Variants in ADAM22 observed in about 807,000 individuals in gnomAD.
ADAM22 encodes the protein disintegrin and metalloproteinase domain-containing protein 22.
In ADAM22, 65 loss-of-function variants were observed where a neutral mutation model predicts 144.6. The observed-to-expected ratio is 0.45, with a 90% CI of 0.37 to 0.55. The LOEUF is 0.55. Ranked by LOEUF, ADAM22 falls within the 20% of genes least tolerant of loss-of-function variation. ADAM22 has a pLI of 0.00. For missense variants in ADAM22, 974 were observed against 1,184.9 expected (o/e 0.82, Z 2.61); for synonymous variants, 391 against 412.6 (o/e 0.95, Z 0.63).
At chr7:88,139,273 C>G (rs753378007) in intron 14 of ADAM22, among the ~76,000 whole-genome samples, 8 of 152,024 alleles carry the variant, frequency 5.3e-5, no homozygotes, top group Non-Finnish European at 1.2e-4. Context: ...CAAAAATTAG[C>G]TGGATATGAT....
chr7:88,079,841 A>G (rs1250749210), intron 4 of ADAM22, among the ~76,000 whole-genome samples: 3 of 152,220 alleles, frequency 2.0e-5, no homozygotes, highest in Non-Finnish European at 4.4e-5. Context: ...ACCCAGATGC[A>G]TAAAGCAAGT....
At chr7:88,108,092 A>G in intron 4 of ADAM22, 84 bp from the exon 5 acceptor site, 3 of 989,154 alleles carry the variant, frequency 3.0e-6, no homozygotes, top group East Asian at 4.9e-5. Context: ...GTGGAGGTGC[A>G]TTGTGAGTAG....
intron 11 of ADAM22, 85 bp downstream of exon 11, chr7:88,131,520 C>T (rs1422252475): frequency 2.1e-6 from 3 of 1,402,218 alleles, no homozygotes; most frequent in East Asian, 2.3e-5. Flanking sequence ...CTTTCTGCTA[C>T]ATAACACAAT....
At position 88,112,811 on chromosome 7, in the gene ADAM22, G is replaced by A. The variant is rs542930715; in HGVS notation, c.474-1773G>A. Among the ~76,000 whole-genome samples the A allele has an allele frequency of 2.6e-5, 4 of 152,306 alleles. No individual in the cohort carries two copies. The South Asian group carries it at 8.3e-4, about 32-fold the overall frequency. ...CAGCCTTGAACTCTTGGGTTCAGGTGATCCTCCCACCTCAGCCTCCCAAGT... is the reference window on the plus strand; with the variant it reads ...CAGCCTTGAACTCTTGGGTTCAGGTAATCCTCCCACCTCAGCCTCCCAAGT... On this transcript the variant is annotated intron_variant, in intron 5 of 31. Coordinates refer to ENST00000413139, the MANE Select transcript of ADAM22 (RefSeq NM_001324418.2).
chr7:88,097,020 A>C (rs954159878), intron 4 of ADAM22, among the ~76,000 whole-genome samples: 1 of 152,136 alleles, frequency 6.6e-6, no homozygotes, highest in African/African-American at 2.4e-5. Flanking sequence ...ATCCAAAATC[A>C]TTTATGCAGA....
intron 4 of ADAM22, among the ~76,000 whole-genome samples, chr7:88,094,585 C>T (rs1820765552): frequency 6.6e-6 from 1 of 152,110 alleles, no homozygotes; most frequent in Non-Finnish European, 1.5e-5. Flanking sequence ...TTTGGACTTC[C>T]TACATTGGTC....
chr7:88,104,759 T>G (rs977442988), intron 4 of ADAM22, among the ~76,000 whole-genome samples: 1 of 152,042 alleles, frequency 6.6e-6, no homozygotes, highest in African/African-American at 2.4e-5. Context: ...TACCACCAGT[T>G]GAGACCTCAA....
intron 2 of ADAM22, among the ~76,000 whole-genome samples, chr7:87,969,226 T>C (rs948118101): frequency 1.3e-5 from 2 of 152,256 alleles, no homozygotes; most frequent in African/African-American, 4.8e-5. Flanking sequence ...TCTTCCATAA[T>C]AGATCAGTAA....
chr7:87,998,432 T>G (rs1238344412), intron 3 of ADAM22, among the ~76,000 whole-genome samples: 1 of 152,116 alleles, frequency 6.6e-6, no homozygotes, highest in African/African-American at 2.4e-5. Context: ...GCTCTGTTGC[T>G]CAAGGTAGAG....
chr7:88,086,166 ACT>A (rs1172953939), intron 4 of ADAM22, among the ~76,000 whole-genome samples: 3 of 152,196 alleles, frequency 2.0e-5, no homozygotes, highest in South Asian at 2.1e-4. Context: ...ACAGAGCAAG[ACT>A]CTGTCTCAAA....
chr7:88,142,731 G>A (rs1045742055), intron 14 of ADAM22, among the ~76,000 whole-genome samples: 120 of 151,838 alleles, frequency 7.9e-4, no homozygotes, highest in Non-Finnish European at 1.0e-3. Context: ...CCAGCTACTC[G>A]GGAGGCTGAG....
At chr7:88,051,096 G>A (rs1398493433) in intron 3 of ADAM22, among the ~76,000 whole-genome samples, 4 of 152,148 alleles carry the variant, frequency 2.6e-5, no homozygotes, top group Middle Eastern at 3.2e-3. Context: ...ACTTTTACAC[G>A]TTGGTGGGAT....
intron 25 of ADAM22, among the ~76,000 whole-genome samples, chr7:88,170,743 T>TAG (rs1844122471): frequency 6.6e-6 from 1 of 152,000 alleles, no homozygotes; most frequent in Non-Finnish European, 1.5e-5. Flanking sequence ...AGCCCAAAAC[T>TAG]ACTCACTTGC....
At chr7:87,949,164 G>A (rs1286377290) in intron 2 of ADAM22, among the ~76,000 whole-genome samples, 1 of 152,118 alleles carries the variant, frequency 6.6e-6, no homozygotes, top group South Asian at 2.1e-4. Flanking sequence ...TCCTGGCCCA[G>A]CAGAGCCAGG....
intron 2 of ADAM22, among the ~76,000 whole-genome samples, chr7:87,952,226 C>T (rs934219701): frequency 1.3e-5 from 2 of 151,624 alleles, no homozygotes; most frequent in Non-Finnish European, 3.0e-5. Context: ...TGCCAGTTTT[C>T]AAAGGGAATG....
In ADAM22 at chr7:88,185,050, G is replaced by C. The variant is rs79563976; in HGVS notation, c.2664-1565G>C. ...GGGCTTTTTCTACGGTTTTCCCCAG[G>C]CCGGAGCATTCACTAGCCTTCATTT... On this transcript the variant is annotated intron_variant, in intron 29 of 31. Transcript: ENST00000413139. 6.5e-3 allele frequency among the ~76,000 whole-genome samples: 994 copies of C among 152,262 alleles called. 3 individuals carry two copies. Among genetic ancestry groups the C allele is most frequent in the Middle Eastern group, 0.014 (4 of 292 alleles).
At chr7:88,188,000 A>G (rs1274814850) in intron 30 of ADAM22, among the ~76,000 whole-genome samples, 1 of 151,690 alleles carries the variant, frequency 6.6e-6, no homozygotes, top group Admixed American at 6.6e-5. Context: ...TCACATTCAA[A>G]CATCCCACCC....
chr7:88,086,256 C>A (rs887928165), intron 4 of ADAM22, among the ~76,000 whole-genome samples: 2 of 152,078 alleles, frequency 1.3e-5, no homozygotes, highest in African/African-American at 4.8e-5. Flanking sequence ...TTGAAGAAAC[C>A]AGATTGTTTA....
intron 30 of ADAM22, among the ~76,000 whole-genome samples, chr7:88,191,026 C>T (rs948361431): frequency 1.3e-5 from 2 of 152,178 alleles, no homozygotes; most frequent in Admixed American, 1.3e-4. Flanking sequence ...TACCAGCCTC[C>T]AGGACCCTTT....
Sources: allele counts gnomAD v4.1 joint callset (sites outside exome capture counted in the v4.1 genomes callset), GRCh38; gene constraint gnomAD v4.1.1; transcripts MANE v1.5; gene names NCBI Gene and HGNC (gene_info 2026-07-23, HGNC 2026-07-21).